The following UBE2E1 variants were observed in gnomAD, a reference collection of about 807,000 sequenced individuals.
The protein encoded by UBE2E1 is ubiquitin-conjugating enzyme E2 E1.
In UBE2E1, 6 loss-of-function variants were observed where a neutral mutation model predicts 21.4. That is an observed-to-expected ratio of 0.28 (90% CI 0.15 to 0.55). UBE2E1 has a LOEUF of 0.55. Ranked by LOEUF, UBE2E1 falls within the 20% of genes least tolerant of loss-of-function variation. The probability of loss-of-function intolerance (pLI) is 0.93; values close to 1 mark genes in which losing one functional copy is unlikely to be tolerated. For missense variants in UBE2E1, 142 were observed against 236.5 expected (o/e 0.60, Z 2.62); for synonymous variants, 87 against 82.7 (o/e 1.05, Z -0.28).
intron 3 of UBE2E1, among the ~76,000 whole-genome samples, chr3:23,845,406 A>T (rs1700174863): frequency 6.6e-6 from 1 of 152,178 alleles, no homozygotes; most frequent in African/African-American, 2.4e-5. Flanking sequence ...TTTAGCAATG[A>T]AATTGTAAGC....
intron 3 of UBE2E1, 152 bp downstream of exon 3, chr3:23,811,662 T>G (rs941785691): frequency 9.7e-6 from 7 of 719,964 alleles, no homozygotes; most frequent in Non-Finnish European, 1.6e-5. Context: ...TTAACCTGAG[T>G]ATAATGTTTT....
At position 23,889,717 on chromosome 3, in the gene UBE2E1, T is replaced by C. The variant is rs554708430; in HGVS notation, c.484+458T>C. On this transcript the variant is annotated intron_variant, in intron 5 of 5. Coordinates refer to ENST00000306627, the MANE Select transcript of UBE2E1 (RefSeq NM_003341.5). ...GTAGTTGTTAAATACTTAGTGACTA[T>C]TGAATTGTGACTTTTTTGGGACTTC... The C allele has an allele frequency of 2.4e-5, 24 of 985,414 alleles. No homozygotes were observed. In the South Asian group the frequency reaches 4.2e-4, roughly 17 times the overall value. 61.0% of individuals were successfully genotyped at this position (985,414 alleles called of 1,614,324 possible).
rs1479315711 is a variant in UBE2E1 at position 23,806,352 on chromosome 3, C to T, written c.-34+264C>T. On this transcript the variant is annotated intron_variant, in intron 1 of 5. Coordinates refer to ENST00000306627, the MANE Select transcript of UBE2E1 (RefSeq NM_003341.5). The surrounding 1 kb of genome is among the most constrained non-coding windows in gnomAD (Gnocchi z 6.5). The stretch of plus-strand genomic sequence containing the variant: ...GGGTCATTGTGGCTCGAACTGTCAG[C>T]GCTGCCCCAAGAGCCCCCCACTGGC... Among the ~76,000 whole-genome samples, 2 of 151,040 alleles carry T rather than the reference C, an allele frequency of 1.3e-5. No homozygotes were observed. The highest frequency in any genetic ancestry group is 4.8e-5 in the African/African-American group (2 of 41,248).
rs923571577 is a variant in UBE2E1 at position 23,863,574 on chromosome 3, A to G, written c.204-23993A>G. Among the ~76,000 whole-genome samples, 1 of 152,214 alleles carries G rather than the reference A, an allele frequency of 6.6e-6. No homozygotes were observed. The highest frequency in any genetic ancestry group is 1.5e-5 in the Non-Finnish European group (1 of 68,046). On this transcript the variant is annotated intron_variant, in intron 3 of 5. Coordinates refer to ENST00000306627, the MANE Select transcript of UBE2E1 (RefSeq NM_003341.5). The surrounding 1 kb of genome is among the most constrained non-coding windows in gnomAD (Gnocchi z 4.3). ...AGACGGAGTTTCGCTCTTGTTGCGC[A>G]GGCTGGAGTGCAGTGGCGCGATCTC...
intron 3 of UBE2E1, among the ~76,000 whole-genome samples, chr3:23,885,876 A>T (rs1197134259): frequency 2.6e-5 from 4 of 151,454 alleles, no homozygotes; most frequent in African/African-American, 9.7e-5. Flanking sequence ...ACAAACAAAA[A>T]AAACAAAACA....
chr3:23,845,114 T>C (rs560799642), intron 3 of UBE2E1, among the ~76,000 whole-genome samples: 113 of 152,298 alleles, frequency 7.4e-4, no homozygotes, highest in Non-Finnish European at 1.3e-3. Context: ...ATTTTAAAAC[T>C]ATACAATGAA....
chr3:23,886,256 AAG>A (rs1249185204), intron 3 of UBE2E1, among the ~76,000 whole-genome samples: 2 of 152,214 alleles, frequency 1.3e-5, no homozygotes, highest in African/African-American at 4.8e-5. Context: ...ACCCATCACA[AAG>A]AGATATTAAA....
intron 3 of UBE2E1, among the ~76,000 whole-genome samples, chr3:23,871,783 G>T (rs1203796484): frequency 1.3e-5 from 2 of 151,920 alleles, no homozygotes; most frequent in African/African-American, 4.8e-5. Flanking sequence ...TGGGCGGCCG[G>T]GCAGAGACAC....
At chr3:23,851,048 A>C (rs945311679) in intron 3 of UBE2E1, among the ~76,000 whole-genome samples, 4 of 152,068 alleles carry the variant, frequency 2.6e-5, no homozygotes, top group Non-Finnish European at 5.9e-5. Context: ...TCAGTAATCC[A>C]TTTTGAGTTA....
intron 5 of UBE2E1, chr3:23,889,528 C>CTT (rs35718655): frequency 1.2e-4 from 171 of 1,369,834 alleles, no homozygotes; most frequent in Admixed American, 7.5e-4. Flanking sequence ...ATTCTTCCTC[C>CTT]TTTTTTTTTC....
chr3:23,847,488 A>ATTTTTTTTTTTTTT (rs71057627), intron 3 of UBE2E1, among the ~76,000 whole-genome samples: 2 of 96,130 alleles, frequency 2.1e-5, no homozygotes, highest in Non-Finnish European at 4.0e-5. Flanking sequence ...TGTACTTTAA[A>ATTTTTTTTTTTTTT]TTTTTTTTTT....
chr3:23,879,067 C>A (rs1160873244), intron 3 of UBE2E1: 1 of 500,110 alleles, frequency 2.0e-6, no homozygotes, highest in Non-Finnish European at 4.0e-6. Context: ...AACAATGTAT[C>A]AGTTCCTGAG....
chr3:23,838,478 A>T (rs1482100103), intron 3 of UBE2E1, among the ~76,000 whole-genome samples: 1 of 152,116 alleles, frequency 6.6e-6, no homozygotes, highest in African/African-American at 2.4e-5. Flanking sequence ...GTTATTGTTG[A>T]CATGATTGGA....
rs1447565546 is a variant in UBE2E1, at chr3:23,807,407, C to T, written c.138C>T (p.Ser46=). The change falls in exon 2 of 6, where the codon TCC becomes TCT. Residue 46 remains serine (S), a synonymous_variant. Transcript: ENST00000306627. ...VSMSKNSKLL[S]TSAKRIQKEL... is the part of the protein sequence containing the mutation. ...TGAGCAAAAACTCCAAACTCCTCTC[C>T]ACCAGCGCCAAGAGGTACTGTGCTC... The T allele has an allele frequency of 6.2e-7, 1 of 1,612,360 alleles. No homozygotes were observed. Among genetic ancestry groups the T allele is most frequent in the East Asian group, 2.2e-5 (1 of 44,878 alleles).
chr3:23,827,832 C>G (rs1699790390), intron 3 of UBE2E1, among the ~76,000 whole-genome samples: 1 of 152,066 alleles, frequency 6.6e-6, no homozygotes, highest in African/African-American at 2.4e-5. Context: ...TCCTAACTGC[C>G]CTTAGAATTA....
At chr3:23,817,744 A>G (rs1442658186) in intron 3 of UBE2E1, among the ~76,000 whole-genome samples, 1 of 152,154 alleles carries the variant, frequency 6.6e-6, no homozygotes, top group South Asian at 2.1e-4. Context: ...GGAAGACAGA[A>G]AAAGGGCACT....
chr3:23,845,581 C>G (rs1193197321), intron 3 of UBE2E1, among the ~76,000 whole-genome samples: 39 of 48,496 alleles, frequency 8.0e-4, no homozygotes, highest in Admixed American at 2.6e-3. Flanking sequence ...CTCTCTCTCT[C>G]TCTCTCTCTG....
chr3:23,825,770 A>G (rs1375137460), intron 3 of UBE2E1, among the ~76,000 whole-genome samples: 1 of 152,168 alleles, frequency 6.6e-6, no homozygotes, highest in Non-Finnish European at 1.5e-5. Context: ...GAAATGAGGT[A>G]GGCAGGGGTC....
intron 3 of UBE2E1, among the ~76,000 whole-genome samples, chr3:23,819,925 A>G (rs986492677): frequency 1.3e-5 from 2 of 152,192 alleles, no homozygotes; most frequent in African/African-American, 2.4e-5. Context: ...GACTTCATGT[A>G]AGGTTTATCA....
Sources: allele counts gnomAD v4.1 joint callset (sites outside exome capture counted in the v4.1 genomes callset), GRCh38; gene constraint gnomAD v4.1.1; non-coding constraint Gnocchi (gnomAD v3.1); transcripts MANE v1.5; gene names NCBI Gene and HGNC (gene_info 2026-07-23, HGNC 2026-07-21).